The following LYPD6B variants were observed in gnomAD, a reference collection of about 807,000 sequenced individuals.
The protein encoded by LYPD6B is LY6/PLAUR domain containing 6B, also known as ly6/PLAUR domain-containing protein 6B.
LYPD6B carries 17 observed loss-of-function variants against 22.8 expected under a neutral mutation model. That is an observed-to-expected ratio of 0.75 (90% CI 0.51 to 1.12). The LOEUF (loss-of-function observed/expected upper bound fraction) is 1.12. Among genes scored for constraint, LYPD6B ranks in the 50% most tolerant of loss-of-function variants. LYPD6B has a pLI of 0.00. For missense variants in LYPD6B, 221 were observed against 258.3 expected (o/e 0.86, Z 0.99); for synonymous variants, 106 against 91.6 (o/e 1.16, Z -0.90).
intron 3 of LYPD6B, among the ~76,000 whole-genome samples, chr2:149,184,559 G>A (rs1411538895): frequency 6.6e-6 from 1 of 152,172 alleles, no homozygotes; most frequent in Non-Finnish European, 1.5e-5. Context: ...CCTCATTAAG[G>A]TGTTATATTC....
intron 1 of LYPD6B, among the ~76,000 whole-genome samples, chr2:149,129,747 G>A (rs1215650078): frequency 6.6e-6 from 1 of 152,198 alleles, no homozygotes; most frequent in Non-Finnish European, 1.5e-5. Context: ...TGGACTTTAT[G>A]CAGACTTCTT....
chr2:149,115,083 C>T (rs549567886), intron 1 of LYPD6B, among the ~76,000 whole-genome samples: 19 of 152,190 alleles, frequency 1.2e-4, no homozygotes, highest in East Asian at 1.2e-3. Flanking sequence ...GGATTACAGG[C>T]GCTCGCCACT....
At chr2:149,054,931 T>C (rs1352837182) in intron 1 of LYPD6B, among the ~76,000 whole-genome samples, 1 of 152,140 alleles carries the variant, frequency 6.6e-6, no homozygotes, top group African/African-American at 2.4e-5. Flanking sequence ...CTATTTTTTT[T>C]CTTTTTTTCG....
At chr2:149,130,525 C>T (rs1360884234) in intron 1 of LYPD6B, among the ~76,000 whole-genome samples, 1 of 152,182 alleles carries the variant, frequency 6.6e-6, no homozygotes, top group Admixed American at 6.5e-5. Context: ...AAAACTTCTG[C>T]ATCTAAAAGA....
At chr2:149,080,050 T>C (rs1033063624) in intron 1 of LYPD6B, among the ~76,000 whole-genome samples, 15 of 152,212 alleles carry the variant, frequency 9.9e-5, no homozygotes, top group African/African-American at 3.4e-4. Flanking sequence ...ATATTTTTGT[T>C]AAGAGTTGCC....
intron 1 of LYPD6B, among the ~76,000 whole-genome samples, chr2:149,067,610 A>G (rs533374085): frequency 6.6e-6 from 1 of 151,364 alleles, no homozygotes; most frequent in South Asian, 2.1e-4. Context: ...TCATAGGGCT[A>G]TAAAGTGATA....
At chr2:149,166,239 C>A (rs10930513) in intron 3 of LYPD6B, among the ~76,000 whole-genome samples, 43,744 of 152,032 alleles carry the variant, frequency 0.29, 7,677 homozygotes, top group East Asian at 0.55. Flanking sequence ...GGGTTGATAG[C>A]CTTTTTAATC....
intron 3 of LYPD6B, among the ~76,000 whole-genome samples, chr2:149,188,415 C>T (rs1044569079): frequency 6.6e-6 from 1 of 152,140 alleles, no homozygotes; most frequent in Admixed American, 6.5e-5. Context: ...TTCCTCTGCT[C>T]CCATGTTCTA....
intron 1 of LYPD6B, among the ~76,000 whole-genome samples, chr2:149,076,358 G>C (rs1314769525): frequency 6.6e-6 from 1 of 152,166 alleles, no homozygotes; most frequent in African/African-American, 2.4e-5. Context: ...CATATAATAA[G>C]AAGTGATAAC....
chr2:149,116,006 T>C (rs1468130187), intron 1 of LYPD6B, among the ~76,000 whole-genome samples: 3 of 152,202 alleles, frequency 2.0e-5, no homozygotes, highest in Non-Finnish European at 2.9e-5. Flanking sequence ...CGTATTGCAG[T>C]GCTTGTGTTC....
intron 6 of LYPD6B, 55 bp downstream of exon 6, chr2:149,213,177 C>T (rs1693985710): frequency 1.0e-5 from 16 of 1,596,254 alleles, no homozygotes; most frequent in Middle Eastern, 1.7e-4. Flanking sequence ...TAATGTAAGT[C>T]GTAGATCAAA....
At chr2:149,188,537 A>C in intron 3 of LYPD6B, 1 of 161,118 alleles carries the variant, frequency 6.2e-6, no homozygotes, top group Non-Finnish European at 1.3e-5. Context: ...AGGAAGACAT[A>C]CAAATTTGCC....
At chr2:149,200,661 G>C (rs924237093) in intron 3 of LYPD6B, 1 of 152,158 alleles carries the variant, frequency 6.6e-6, no homozygotes, top group Non-Finnish European at 1.5e-5. Context: ...ATGATTATCC[G>C]AGCTCAGACT....
chr2:149,065,105 C>T (rs1468883134), intron 1 of LYPD6B, among the ~76,000 whole-genome samples: 1 of 152,194 alleles, frequency 6.6e-6, no homozygotes, highest in Non-Finnish European at 1.5e-5. Context: ...TTCACCCTCC[C>T]TCCCTCTTGG....
intron 1 of LYPD6B, among the ~76,000 whole-genome samples, chr2:149,048,276 C>G (rs1461108495): frequency 1.3e-5 from 2 of 152,070 alleles, no homozygotes; most frequent in Non-Finnish European, 2.9e-5. Context: ...TTTTACCAGG[C>G]CTTTAGTGTG....
chr2:149,040,201 CTG>C, intron 1 of LYPD6B, among the ~76,000 whole-genome samples: 3 of 24,012 alleles, frequency 1.2e-4, no homozygotes, highest in East Asian at 0.043. Flanking sequence ...CAGTCTCTCT[CTG>C]TCTCTCTCTC....
intron 2 of LYPD6B, among the ~76,000 whole-genome samples, chr2:149,153,062 A>G (rs1009614635): frequency 2.6e-5 from 4 of 152,176 alleles, no homozygotes; most frequent in Admixed American, 2.0e-4. Flanking sequence ...CATGCTGTTA[A>G]ATTTTAAAAG....
At chr2:149,096,837 A>G (rs868368281) in intron 1 of LYPD6B, among the ~76,000 whole-genome samples, 1 of 152,232 alleles carries the variant, frequency 6.6e-6, no homozygotes, top group African/African-American at 2.4e-5. Context: ...TTTAGAGCTC[A>G]AGATGAAGAA....
At chr2:149,162,229 A>G (rs1280968920) in intron 3 of LYPD6B, among the ~76,000 whole-genome samples, 1 of 152,192 alleles carries the variant, frequency 6.6e-6, no homozygotes, top group Non-Finnish European at 1.5e-5. Context: ...CACTACAGGT[A>G]ACATTTGTTT....
Sources: gnomAD v4.1 joint callset for allele counts (sites outside exome capture counted in the v4.1 genomes callset) on GRCh38, gnomAD v4.1.1 for gene constraint, MANE v1.5 for transcripts, NCBI Gene and HGNC (gene_info 2026-07-23, HGNC 2026-07-21) for gene names.